The following FSHR variants were observed in gnomAD, a reference collection of about 807,000 sequenced individuals.
The protein encoded by FSHR is follicle-stimulating hormone receptor.
In FSHR, 46 loss-of-function variants were observed where a neutral mutation model predicts 52.1. The observed-to-expected ratio is 0.88, with a 90% confidence interval of 0.70 to 1.13. The LOEUF (loss-of-function observed/expected upper bound fraction) is 1.13. Ranked by LOEUF, FSHR falls within the 50% of genes most tolerant of loss-of-function variation. FSHR has a pLI of 0.00. For synonymous variants in FSHR, 399 were observed against 309.6 expected (o/e 1.29, Z -3.03); for missense variants, 964 against 834.6 (o/e 1.16, Z -1.91).
At chr2:49,138,656 A>G (rs1025528563) in intron 1 of FSHR, among the ~76,000 whole-genome samples, 9 of 152,242 alleles carry the variant, frequency 5.9e-5, no homozygotes, top group Admixed American at 1.3e-4. Flanking sequence ...AGAGAAATCT[A>G]TAGAGACAGA....
chr2:48,968,437 T>G (rs1040014416), intron 9 of FSHR, among the ~76,000 whole-genome samples: 2 of 152,186 alleles, frequency 1.3e-5, no homozygotes, highest in African/African-American at 2.4e-5. Flanking sequence ...GCTTAGTATT[T>G]TTCATGTTTT....
chr2:48,998,815 TTATA>T (rs528167009), intron 4 of FSHR, among the ~76,000 whole-genome samples: 183 of 152,188 alleles, frequency 1.2e-3, no homozygotes, highest in Non-Finnish European at 2.2e-3. Flanking sequence ...AATATTGTTA[TTATA>T]TTTAGTGAGA....
intron 9 of FSHR, 107 bp downstream of exon 9, chr2:48,968,591 G>C: frequency 7.6e-7 from 1 of 1,324,288 alleles, no homozygotes; most frequent in Non-Finnish European, 1.1e-6. Flanking sequence ...GCTTGAGACA[G>C]GGAACTCTCT....
At chr2:49,100,813 TGA>T (rs1200088624) in intron 1 of FSHR, among the ~76,000 whole-genome samples, 1 of 152,140 alleles carries the variant, frequency 6.6e-6, no homozygotes, top group African/African-American at 2.4e-5. Flanking sequence ...ACTGATACAT[TGA>T]GAGAGTATTT....
intron 1 of FSHR, among the ~76,000 whole-genome samples, chr2:49,130,881 G>T (rs1672239223): frequency 6.6e-6 from 1 of 152,178 alleles, no homozygotes. Context: ...GTAAAAACAA[G>T]AAGGGGGCTG....
chr2:49,068,179 C>A (rs780241802), intron 2 of FSHR, 40 bp downstream of exon 2: 86 of 1,512,832 alleles, frequency 5.7e-5, no homozygotes, highest in Non-Finnish European at 7.8e-5. Flanking sequence ...TCCCTATAGC[C>A]CCCTTGAGGC....
intron 1 of FSHR, among the ~76,000 whole-genome samples, chr2:49,115,025 C>T (rs1411701907): frequency 6.6e-6 from 1 of 151,140 alleles, no homozygotes; most frequent in African/African-American, 2.4e-5. Flanking sequence ...GCCCTTAGAA[C>T]ATGATCCAAT....
At chr2:49,073,700 T>G (rs1245865351) in intron 1 of FSHR, among the ~76,000 whole-genome samples, 1 of 151,932 alleles carries the variant, frequency 6.6e-6, no homozygotes, top group Non-Finnish European at 1.5e-5. Flanking sequence ...ACTTAAAATT[T>G]TGTGGAACCA....
In FSHR at chr2:49,062,983, A is replaced by T. The variant is rs192048186; in HGVS notation, c.224+5236T>A. ...GGAACTCCTCTACACTGTTGGTGGG[A>T]ATAGAAGTTAGTACAGCCATTATTT... is the stretch of plus-strand genomic sequence containing the variant. On this transcript the variant is annotated intron_variant, in intron 2 of 9. Transcript: ENST00000406846. 4.3e-3 allele frequency among the ~76,000 whole-genome samples: 650 copies of T among 152,308 alleles called. 8 individuals carry two copies. Among genetic ancestry groups the T allele is most frequent in the African/African-American group, 0.014 (601 of 41,582 alleles).
At chr2:49,103,527 A>G (rs1381505808) in intron 1 of FSHR, among the ~76,000 whole-genome samples, 1 of 152,074 alleles carries the variant, frequency 6.6e-6, no homozygotes, top group African/African-American at 2.4e-5. Flanking sequence ...GCACAGATCT[A>G]GGGGCAGGGG....
At chr2:49,090,353 A>T (rs904988256) in intron 1 of FSHR, among the ~76,000 whole-genome samples, 17 of 152,196 alleles carry the variant, frequency 1.1e-4, no homozygotes, top group Non-Finnish European at 2.1e-4. Context: ...CTAAAATGTC[A>T]TATAAATGCT....
At position 49,133,305 on chromosome 2, in the gene FSHR, C is replaced by A. The variant is rs544314013; in HGVS notation, c.152+20961G>T. Among the ~76,000 whole-genome samples the A allele has an allele frequency of 2.0e-5, 3 of 152,280 alleles. No individual in the cohort carries two copies. The East Asian group carries it at 5.8e-4, about 29-fold the overall frequency. ...CATGACCTGTTGAGAATATGGGTCT[C>A]TGATAGCTCTTGTCCCAGTTCATGA... On this transcript the variant is annotated intron_variant, in intron 1 of 9. Transcript: ENST00000406846.
intron 1 of FSHR, among the ~76,000 whole-genome samples, chr2:49,107,943 T>A (rs565587336): frequency 1.3e-5 from 2 of 152,186 alleles, no homozygotes; most frequent in African/African-American, 2.4e-5. Context: ...AATAGTATGA[T>A]CATGAAGGTT....
intron 6 of FSHR, among the ~76,000 whole-genome samples, chr2:48,983,730 G>T (rs1310405103): frequency 1.3e-5 from 2 of 152,196 alleles, no homozygotes; most frequent in Non-Finnish European, 2.9e-5. Flanking sequence ...GAGGTTTGTG[G>T]AGGTGGCTCT....
chr2:49,036,129 T>A (rs1369453504), intron 2 of FSHR, among the ~76,000 whole-genome samples: 2 of 152,230 alleles, frequency 1.3e-5, no homozygotes, highest in Non-Finnish European at 2.9e-5. Flanking sequence ...TTCTCTATTA[T>A]GATGGACATT....
chr2:49,086,716 T>C (rs1021852124), intron 1 of FSHR, among the ~76,000 whole-genome samples: 1 of 152,148 alleles, frequency 6.6e-6, no homozygotes, highest in African/African-American at 2.4e-5. Context: ...TCTTGGCTCA[T>C]TGCAAACTCC....
intron 2 of FSHR, among the ~76,000 whole-genome samples, chr2:49,042,819 G>T (rs3913667): frequency 0.064 from 9,722 of 152,214 alleles, 565 homozygotes; most frequent in East Asian, 0.21. Flanking sequence ...GGCATATTTG[G>T]TTCAGTCAAA....
chr2:49,085,110 A>G (rs1312797856), intron 1 of FSHR, among the ~76,000 whole-genome samples: 2 of 152,106 alleles, frequency 1.3e-5, no homozygotes, highest in East Asian at 3.8e-4. Context: ...AATACTGGCA[A>G]ACTGAATCCA....
At chr2:49,124,798 G>A (rs1234201234) in intron 1 of FSHR, among the ~76,000 whole-genome samples, 8 of 152,160 alleles carry the variant, frequency 5.3e-5, no homozygotes, top group Non-Finnish European at 7.3e-5. Flanking sequence ...TTAGTCAACA[G>A]TAATTTTCTT....
Sources: allele counts gnomAD v4.1 joint callset (sites outside exome capture counted in the v4.1 genomes callset), GRCh38; gene constraint gnomAD v4.1.1; transcripts MANE v1.5; gene names NCBI Gene and HGNC (gene_info 2026-07-23, HGNC 2026-07-21).